ARHGAP29: variants seen among roughly 807,000 people sequenced by gnomAD.
ARHGAP29 encodes Rho GTPase activating protein 29.
ARHGAP29 carries 43 observed loss-of-function variants against 122.6 expected under a neutral mutation model. That is an observed-to-expected ratio of 0.35 (90% confidence interval 0.27 to 0.45). ARHGAP29 has a LOEUF of 0.45. Ranked by LOEUF, ARHGAP29 falls within the 20% of genes least tolerant of loss-of-function variation. The probability of loss-of-function intolerance (pLI) is 1.00; values close to 1 mark genes in which losing one functional copy is unlikely to be tolerated. For missense variants in ARHGAP29, 1,303 were observed against 1,477.2 expected (o/e 0.88, Z 1.93); for synonymous variants, 506 against 497.1 (o/e 1.02, Z -0.24).
chr1:94,205,043 C>T lies in ARHGAP29; in HGVS notation c.697+18G>A. On this transcript the variant is annotated intron_variant, in intron 7 of 22. Coordinates refer to ENST00000260526, the MANE Select transcript of ARHGAP29 (RefSeq NM_004815.4). ...TAATTATTATACTCTAAATCAGATG[C>T]TTTAAAAGGCAACTCACCCAAGTTA... is the stretch of plus-strand genomic sequence containing the variant. 1.3e-6 allele frequency: 2 copies of T among 1,550,324 alleles called. No individual in the cohort carries two copies. Among genetic ancestry groups the T allele is most frequent in the Non-Finnish European group, 1.7e-6 (2 of 1,155,462 alleles).
At chr1:94,174,919 G>A (rs1648997305) in intron 22 of ARHGAP29, among the ~76,000 whole-genome samples, 170 bp from the exon 23 acceptor site, 1 of 152,064 alleles carries the variant, frequency 6.6e-6, no homozygotes, top group African/African-American at 2.4e-5. Flanking sequence ...AGTATTAAAG[G>A]TGTATATTGA....
At chr1:94,280,257 T>C in the ARHGAP29 span, among the ~76,000 whole-genome samples, 1 of 151,974 alleles carries the variant, frequency 6.6e-6, no homozygotes, top group Non-Finnish European at 1.5e-5. Context: ...CTTTCCATCT[T>C]CCTCTCCAGG....
In ARHGAP29 at chr1:94,169,332, G is replaced by A. The variant is rs1243405398; in HGVS notation, c.*4537C>T. Among the ~76,000 whole-genome samples the A allele has an allele frequency of 1.3e-5, 2 of 152,152 alleles. No homozygotes were observed. Among genetic ancestry groups the A allele is most frequent in the African/African-American group, 4.8e-5 (2 of 41,428 alleles). On this transcript the variant is annotated 3_prime_UTR_variant, in exon 23 of 23. Coordinates refer to ENST00000260526, the MANE Select transcript of ARHGAP29 (RefSeq NM_004815.4). ...GGCTCCAGGCTGGGGAGGATGTTAG[G>A]GATTGGTGTGGTCAGGACCAGCGCT...
chr1:94,233,378 T>C (rs1653050044), intron 1 of ARHGAP29, among the ~76,000 whole-genome samples: 1 of 146,768 alleles, frequency 6.8e-6, no homozygotes, highest in African/African-American at 2.5e-5. Flanking sequence ...CAGGGTTCTC[T>C]AATCAACCCA....
At chr1:94,189,738 G>C (rs1027948928) in intron 13 of ARHGAP29, among the ~76,000 whole-genome samples, 188 bp downstream of exon 13, 1 of 152,034 alleles carries the variant, frequency 6.6e-6, no homozygotes, top group Non-Finnish European at 1.5e-5. Context: ...AAAATGGAAA[G>C]GCTCACTGTT....
intron 1 of ARHGAP29, among the ~76,000 whole-genome samples, chr1:94,234,436 G>A (rs927730080): frequency 6.0e-4 from 91 of 152,274 alleles, no homozygotes; most frequent in African/African-American, 2.2e-3. Flanking sequence ...GCTGAGGGAA[G>A]ATTACATAAA....
In ARHGAP29 at chr1:94,201,842, C is replaced by T. The variant is rs1650871111; in HGVS notation, c.1159G>A (p.Glu387Lys). The T allele has an allele frequency of 3.1e-6, 5 of 1,607,090 alleles. No homozygotes were observed. Among genetic ancestry groups the T allele is most frequent in the Non-Finnish European group, 4.2e-6 (5 of 1,177,404 alleles). ...TTTGTCACACAAACTTTGTAAAGTT[C>T]ATTTGCTTCTTCTACCTTCACAAAT... ...EALQKVEEAN[E>K]LYKVCVTNVE... Residue 387 changes from glutamate to lysine, a missense_variant, in exon 12 of 23, where the codon GAA becomes AAA. Coordinates refer to ENST00000260526, the MANE Select transcript of ARHGAP29 (RefSeq NM_004815.4).
chr1:94,192,006 A>G (rs953755763), intron 12 of ARHGAP29: 1 of 152,212 alleles, frequency 6.6e-6, no homozygotes, highest in Non-Finnish European at 1.5e-5. Context: ...GAATTTGTCA[A>G]AAGTAAATGG....
At chr1:94,283,162 A>G in the ARHGAP29 span, among the ~76,000 whole-genome samples, 1 of 152,170 alleles carries the variant, frequency 6.6e-6, no homozygotes, top group African/African-American at 2.4e-5. Flanking sequence ...GTATATTTTA[A>G]TGAGATTATA....
intron 15 of ARHGAP29, among the ~76,000 whole-genome samples, chr1:94,187,182 TGTATCAAA>T (rs1011514775): frequency 6.6e-6 from 1 of 152,170 alleles, no homozygotes; most frequent in Admixed American, 6.5e-5. Flanking sequence ...CACTGCCATA[TGTATCAAA>T]GCATGTTTGG....
In ARHGAP29 at chr1:94,271,738, C is replaced by T. The variant is rs377513435; in HGVS notation, c.-33+3274G>A. On this transcript the variant is annotated intron_variant and NMD_transcript_variant, in intron 1 of 25. Coordinates refer to the ARHGAP29 transcript ENST00000552844. Reference sequence around the variant, plus strand: ...AAAAGGTGGAACAGGAGTAGTCTCACTCACCATTACTCTGAATGACTCATT... The same window carrying T: ...AAAAGGTGGAACAGGAGTAGTCTCATTCACCATTACTCTGAATGACTCATT... Among the ~76,000 whole-genome samples the T allele has an allele frequency of 1.8e-4, 28 of 152,316 alleles. No individual in the cohort carries two copies. In the South Asian group the frequency reaches 3.3e-3, roughly 18 times the overall value.
At chr1:94,273,049 T>C (rs569182006) in intron 1 of ARHGAP29, among the ~76,000 whole-genome samples, 2 of 152,308 alleles carry the variant, frequency 1.3e-5, no homozygotes, top group Non-Finnish European at 1.5e-5. Flanking sequence ...CTGTGAATTC[T>C]TGTTGCTATG....
At chr1:94,252,277 C>T (rs1027251357) in intron 1 of ARHGAP29, among the ~76,000 whole-genome samples, 1 of 152,190 alleles carries the variant, frequency 6.6e-6, no homozygotes, top group Non-Finnish European at 1.5e-5. Flanking sequence ...CTGCTTATAG[C>T]TTGGTTCCCT....
Position 94,205,679 on chromosome 1 carries a change from A to T in ARHGAP29, c.515T>A (p.Phe172Tyr). Residue 172 changes from phenylalanine to tyrosine, a missense_variant, in exon 6 of 23, where the codon TTT (phenylalanine) becomes TAT (tyrosine). Physicochemically the swap from Phe to Tyr is conservative, Grantham distance 22 (BLOSUM62 3). Transcript: ENST00000260526. The stretch of plus-strand genomic sequence containing the variant: ...CACTGATTCCACAGAAACATTTTCA[A>T]ACGACTTACAACATGGAAAAAGATA... ...RLPVSRETKS[F>Y]ENVSVESVDS... The T allele has an allele frequency of 6.2e-7, 1 of 1,612,044 alleles. No individual in the cohort carries two copies. The highest frequency in any genetic ancestry group is 1.1e-5 in the South Asian group (1 of 90,626).
chr1:94,286,299 G>A, the ARHGAP29 span, among the ~76,000 whole-genome samples: 13 of 152,140 alleles, frequency 8.5e-5, 1 homozygote, highest in Admixed American at 7.9e-4. Context: ...CACATTAGGG[G>A]TTTAGGGCTT....
chr1:94,233,688 A>G (rs1456235407), intron 1 of ARHGAP29, among the ~76,000 whole-genome samples: 1 of 152,072 alleles, frequency 6.6e-6, no homozygotes, highest in Non-Finnish European at 1.5e-5. Context: ...CCTCCTTCTC[A>G]TTCTTCCAAC....
At chr1:94,278,687 T>A, upstream of ARHGAP29, among the ~76,000 whole-genome samples, 1 of 152,304 alleles carries the variant, frequency 6.6e-6, no homozygotes, top group South Asian at 2.1e-4. Flanking sequence ...GTTGAGGATG[T>A]CTTAATTAGT....
chr1:94,294,286 G>T, the ARHGAP29 span, among the ~76,000 whole-genome samples: 5 of 151,302 alleles, frequency 3.3e-5, no homozygotes, highest in East Asian at 9.7e-4. Flanking sequence ...ACACACACGC[G>T]CATATATTTA....
intron 11 of ARHGAP29, 154 bp from the exon 12 acceptor site, chr1:94,202,011 C>G: frequency 1.4e-6 from 1 of 716,590 alleles, no homozygotes; most frequent in Non-Finnish European, 2.2e-6. Flanking sequence ...GTCAGTGATT[C>G]AAAGGCAGTT....
Sources: gnomAD v4.1 joint callset for allele counts (sites outside exome capture counted in the v4.1 genomes callset) on GRCh38, gnomAD v4.1.1 for gene constraint, MANE v1.5 for transcripts, NCBI Gene and HGNC (gene_info 2026-07-23, HGNC 2026-07-21) for gene names.